The following STARD8 variants were observed in gnomAD, a reference collection of about 807,000 sequenced individuals.
STARD8 encodes stAR-related lipid transfer protein 8.
STARD8 carries 25 observed loss-of-function variants against 69.4 expected under a neutral mutation model. The observed-to-expected ratio is 0.36, with a 90% CI of 0.26 to 0.50. The LOEUF (loss-of-function observed/expected upper bound fraction) is 0.50, where lower values mean the gene tolerates loss of function less well. STARD8 is among the 20% of genes least tolerant of loss of function. The pLI, the probability that STARD8 is intolerant of heterozygous loss-of-function variation, is 0.96. For synonymous variants in STARD8, 389 were observed against 374.6 expected (o/e 1.04, Z -0.45); for missense variants, 921 against 932.5 (o/e 0.99, Z 0.16).
At chrX:68,683,356 A>C (rs1369830604) in intron 2 of STARD8, among the ~76,000 whole-genome samples, 1 of 112,430 alleles carries the variant, frequency 8.9e-6, no homozygotes, top group East Asian at 2.8e-4. Context: ...AATGGTAGCA[A>C]TAATAATTCA....
chrX:68,694,201 C>T lies in STARD8; in HGVS notation c.80-18713C>T, dbSNP rs750226832. Reference sequence around the variant, plus strand: ...GGCGGCAGAGCTTCAGGCTCTGTTGCCGGGTCGCGCCAGATCTCCTGCCCT... The same window carrying T: ...GGCGGCAGAGCTTCAGGCTCTGTTGTCGGGTCGCGCCAGATCTCCTGCCCT... On this transcript the variant is annotated intron_variant, in intron 2 of 14. Coordinates refer to ENST00000374599, the MANE Select transcript of STARD8 (RefSeq NM_001142503.3). Among the ~76,000 whole-genome samples the T allele has an allele frequency of 4.2e-3, 468 of 112,725 alleles. 4 individuals are homozygous for T. Among genetic ancestry groups the T allele is most frequent in the Middle Eastern group, 0.032 (7 of 217 alleles).
intron 2 of STARD8, among the ~76,000 whole-genome samples, chrX:68,706,644 C>T (rs1371785433): frequency 8.9e-6 from 1 of 112,807 alleles, no homozygotes; most frequent in Non-Finnish European, 1.9e-5. Context: ...TGAAACAGTG[C>T]CCCTGAGGGA....
chrX:68,682,614 T>C (rs1444608370), intron 2 of STARD8, among the ~76,000 whole-genome samples: 1 of 112,595 alleles, frequency 8.9e-6, no homozygotes, highest in Non-Finnish European at 1.9e-5. Flanking sequence ...TCCTTATCTG[T>C]AAAATGGGAT....
rs1225342389 is a variant in STARD8, at chrX:68,722,634, G to T, written c.2787G>T (p.Leu929=). 1.7e-6 allele frequency: 2 copies of T among 1,211,653 alleles called. No individual in the cohort carries two copies. The highest frequency in any genetic ancestry group is 2.2e-5 in the Admixed American group (1 of 46,139). The part of the protein sequence containing the change: ...MSVPGPQHTE[L]ACRKAPDGHP... ...TGCCAGGGCCCCAGCACACGGAGCT[G>T]GCTTGCAGGAAGGTGAGTGCCACAC... Residue 929 remains leucine, a synonymous_variant, in exon 12 of 15, where the codon CTG becomes CTT. Coordinates refer to ENST00000374599, the MANE Select transcript of STARD8 (RefSeq NM_001142503.3).
At chrX:68,663,940 T>C (rs1057350729) in intron 1 of STARD8, among the ~76,000 whole-genome samples, 3 of 111,586 alleles carry the variant, frequency 2.7e-5, no homozygotes, top group African/African-American at 9.8e-5. Context: ...CCCCCATCCC[T>C]CCTCTCTCCT....
intron 1 of STARD8, among the ~76,000 whole-genome samples, chrX:68,651,772 C>T (rs965951677): frequency 2.5e-4 from 28 of 110,315 alleles, no homozygotes; most frequent in African/African-American, 7.9e-4. Context: ...AAGTCTTCTC[C>T]GAGCCTCAAT....
intron 1 of STARD8, among the ~76,000 whole-genome samples, chrX:68,651,932 C>T (rs1426868184): frequency 1.9e-5 from 2 of 106,850 alleles, no homozygotes; most frequent in Non-Finnish European, 3.9e-5. Context: ...ATTGCAACCT[C>T]CACCTCCCGG....
At chrX:68,678,377 G>T (rs1353914639) in intron 2 of STARD8, among the ~76,000 whole-genome samples, 1 of 111,722 alleles carries the variant, frequency 9.0e-6, no homozygotes, top group Non-Finnish European at 1.9e-5. Flanking sequence ...AAAAGGGAAG[G>T]AGGAAGGCCA....
intron 2 of STARD8, among the ~76,000 whole-genome samples, chrX:68,694,691 T>C (rs1335395814): frequency 9.0e-6 from 1 of 111,683 alleles, no homozygotes; most frequent in African/African-American, 3.3e-5. Context: ...TTTGTTTACT[T>C]GGTACCTGGG....
At chrX:68,720,603 T>C (rs776056859) in intron 8 of STARD8, among the ~76,000 whole-genome samples, 180 bp downstream of exon 8, 2 of 113,240 alleles carry the variant, frequency 1.8e-5, no homozygotes, top group African/African-American at 6.4e-5. Context: ...AACTCCTTTC[T>C]ACTCCTTATG....
chrX:68,682,085 G>A (rs1397160596), intron 2 of STARD8, among the ~76,000 whole-genome samples: 1 of 106,700 alleles, frequency 9.4e-6, no homozygotes, highest in Admixed American at 1.0e-4. Context: ...TGCAACCTCC[G>A]CCTCCCGGTT....
chrX:68,682,373 A>G (rs1478888458), intron 2 of STARD8, among the ~76,000 whole-genome samples: 1 of 112,465 alleles, frequency 8.9e-6, no homozygotes, highest in Non-Finnish European at 1.9e-5. Context: ...TGGATATGCC[A>G]TTAATAATAA....
Position 68,663,908 on chromosome X carries a change from C to A in STARD8, c.46-1591C>A, listed in dbSNP as rs914873259. ...CACTAACATCCCTCAAGGGTCCTGCCAGTGAACACTCGGGAGGACATCCCC... is the reference window on the plus strand; with the variant it reads ...CACTAACATCCCTCAAGGGTCCTGCAAGTGAACACTCGGGAGGACATCCCC... On this transcript the variant is annotated intron_variant, in intron 1 of 14. Transcript: ENST00000374599. 2.7e-5 allele frequency among the ~76,000 whole-genome samples: 3 copies of A among 111,953 alleles called. No individual in the cohort carries two copies. The Admixed American group carries it at 2.8e-4, about 11-fold the overall frequency.
chrX:68,697,769 C>A (rs189136122), intron 2 of STARD8, among the ~76,000 whole-genome samples: 15 of 112,524 alleles, frequency 1.3e-4, no homozygotes, highest in African/African-American at 4.8e-4. Flanking sequence ...CCGGGCCAGC[C>A]CTCTACCCCC....
chrX:68,653,989 C>T (rs1265994431), intron 1 of STARD8, among the ~76,000 whole-genome samples: 2 of 111,751 alleles, frequency 1.8e-5, no homozygotes, highest in Admixed American at 9.5e-5. Flanking sequence ...CTGCCTGGAG[C>T]GCCATCTCAA....
At chrX:68,687,865 A>G (rs1392576415) in intron 2 of STARD8, among the ~76,000 whole-genome samples, 1 of 111,897 alleles carries the variant, frequency 8.9e-6, no homozygotes, top group Non-Finnish European at 1.9e-5. Context: ...TGACCTGGCT[A>G]CCCACCTGCC....
At chrX:68,660,962 G>A (rs1235225490) in intron 1 of STARD8, among the ~76,000 whole-genome samples, 1 of 112,036 alleles carries the variant, frequency 8.9e-6, no homozygotes, top group Non-Finnish European at 1.9e-5. Context: ...GGCTGAGAAG[G>A]CTGGGGGAGG....
intron 2 of STARD8, among the ~76,000 whole-genome samples, chrX:68,708,634 G>A (rs1490373207): frequency 9.0e-6 from 1 of 111,531 alleles, no homozygotes; most frequent in East Asian, 2.8e-4. Flanking sequence ...CCCAGCCTGG[G>A]TCATCTGGGC....
At chrX:68,654,622 C>G (rs942160909) in intron 1 of STARD8, among the ~76,000 whole-genome samples, 5 of 111,942 alleles carry the variant, frequency 4.5e-5, no homozygotes, top group African/African-American at 1.3e-4. Context: ...TGTGAATGCT[C>G]TCATCCAAGT....
Sources: gnomAD v4.1 joint callset for allele counts (sites outside exome capture counted in the v4.1 genomes callset) on GRCh38, gnomAD v4.1.1 for gene constraint, MANE v1.5 for transcripts, NCBI Gene and HGNC (gene_info 2026-07-23, HGNC 2026-07-21) for gene names.